The following CCDC7 variants were observed in gnomAD, a reference collection of about 807,000 sequenced individuals.
CCDC7 encodes the protein coiled-coil domain containing 7, also known as coiled-coil domain-containing protein 7.
In CCDC7, 183 loss-of-function variants were observed where a neutral mutation model predicts 196.9. The ratio of observed to expected loss-of-function variants is 0.93; its 90% CI spans 0.82 to 1.05. The LOEUF is 1.05. CCDC7 is among the 50% of genes least tolerant of loss of function. The pLI is 0.00. For synonymous variants in CCDC7, 525 were observed against 484.6 expected (o/e 1.08, Z -1.10); for missense variants, 1,540 against 1,482.2 (o/e 1.04, Z -0.64).
At chr10:32,574,658 C>A in intron 16 of CCDC7, 1 of 370,246 alleles carries the variant, frequency 2.7e-6, no homozygotes, top group Non-Finnish European at 4.4e-6. Flanking sequence ...ACATCATGTG[C>A]GTTGTTAGCT....
chr10:32,878,667 T>C (rs2094680627), downstream of CCDC7, among the ~76,000 whole-genome samples: 1 of 152,136 alleles, frequency 6.6e-6, no homozygotes, highest in South Asian at 2.1e-4. Context: ...TAAGAATGAA[T>C]ACTCAGTGAA....
chr10:32,645,461 A>G (rs934503582), intron 20 of CCDC7, among the ~76,000 whole-genome samples: 1 of 145,790 alleles, frequency 6.9e-6, no homozygotes, highest in African/African-American at 2.5e-5. Flanking sequence ...AATTTTCATC[A>G]GTGATACTGA....
At chr10:32,737,075 CT>C (rs2084985618) in intron 28 of CCDC7, among the ~76,000 whole-genome samples, 1 of 152,038 alleles carries the variant, frequency 6.6e-6, no homozygotes, top group African/African-American at 2.4e-5. Context: ...CATAAATGGG[CT>C]TTAGATTTTG....
At chr10:32,676,662 A>C (rs2075033307) in intron 21 of CCDC7, among the ~76,000 whole-genome samples, 4 of 152,112 alleles carry the variant, frequency 2.6e-5, no homozygotes, top group Admixed American at 2.6e-4. Context: ...AATCAAAACC[A>C]CAATGAGATA....
chr10:32,604,975 T>C lies in CCDC7; in HGVS notation c.1801+20671T>C, dbSNP rs1194466025. 2.6e-5 allele frequency among the ~76,000 whole-genome samples: 4 copies of C among 152,168 alleles called. No homozygotes were observed. In the South Asian group the frequency reaches 8.3e-4, roughly 32 times the overall value. The stretch of plus-strand genomic sequence containing the variant: ...TTTAGATATTTGTCCCACCCAAATG[T>C]CATGTTAAACTGTAATCCCCAGTTT... On this transcript the variant is annotated intron_variant, in intron 18 of 41. Transcript: ENST00000639629.
At chr10:32,510,608 CTTTTT>C (rs1230081801) in intron 9 of CCDC7, among the ~76,000 whole-genome samples, 1 of 152,068 alleles carries the variant, frequency 6.6e-6, no homozygotes, top group Non-Finnish European at 1.5e-5. Flanking sequence ...AAATGTATAG[CTTTTT>C]GTTTTGTTTT....
chr10:32,751,832 A>G (rs1321154212), intron 28 of CCDC7, among the ~76,000 whole-genome samples: 1 of 152,164 alleles, frequency 6.6e-6, no homozygotes. Context: ...GAGATGATGT[A>G]TAGGATACTA....
At chr10:32,679,905 G>C (rs2075609853) in intron 21 of CCDC7, among the ~76,000 whole-genome samples, 1 of 152,290 alleles carries the variant, frequency 6.6e-6, no homozygotes, top group East Asian at 1.9e-4. Flanking sequence ...TATGTAGATA[G>C]ATACTGAATG....
intron 28 of CCDC7, among the ~76,000 whole-genome samples, chr10:32,759,582 C>T (rs1438342035): frequency 6.6e-6 from 1 of 152,110 alleles, no homozygotes; most frequent in Non-Finnish European, 1.5e-5. Flanking sequence ...ACACCTTATA[C>T]AAAAATTAAT....
At chr10:32,723,089 A>G (rs1376872448) in intron 25 of CCDC7, among the ~76,000 whole-genome samples, 1 of 152,036 alleles carries the variant, frequency 6.6e-6, no homozygotes, top group East Asian at 1.9e-4. Flanking sequence ...ACCCTAGCAG[A>G]CCACCCTGTA....
At chr10:32,450,816 A>G (rs959341665), upstream of CCDC7, among the ~76,000 whole-genome samples, 4 of 151,854 alleles carry the variant, frequency 2.6e-5, no homozygotes, top group Non-Finnish European at 5.9e-5. Flanking sequence ...AGAAATTGTA[A>G]TTTTTCTTTT....
At chr10:32,639,178 A>C (rs2066241467) in intron 20 of CCDC7, among the ~76,000 whole-genome samples, 1 of 152,130 alleles carries the variant, frequency 6.6e-6, no homozygotes, top group Non-Finnish European at 1.5e-5. Context: ...CTTTTCAAAA[A>C]ACCACCTCTT....
intron 29 of CCDC7, among the ~76,000 whole-genome samples, chr10:32,802,715 A>T (rs902480589): frequency 6.6e-6 from 1 of 152,230 alleles, no homozygotes; most frequent in Non-Finnish European, 1.5e-5. Flanking sequence ...CTGACAGTGC[A>T]GCAGAAGGCC....
intron 21 of CCDC7, chr10:32,675,856 A>G (rs2074868547): frequency 1.3e-5 from 2 of 152,080 alleles, no homozygotes. Flanking sequence ...GCTACCAATG[A>G]CTTTCTTCAC....
chr10:32,814,755 G>C (rs1367336723), intron 31 of CCDC7, among the ~76,000 whole-genome samples: 2 of 152,164 alleles, frequency 1.3e-5, no homozygotes, highest in Non-Finnish European at 2.9e-5. Flanking sequence ...TAACATCTCA[G>C]CTGCAATAAA....
chr10:32,607,389 G>A (rs1391105606), intron 18 of CCDC7, among the ~76,000 whole-genome samples: 2 of 152,170 alleles, frequency 1.3e-5, no homozygotes, highest in African/African-American at 4.8e-5. Flanking sequence ...GTGAAAGTGG[G>A]CATCGTTGTC....
chr10:32,547,977 T>G (rs569433221), intron 13 of CCDC7, among the ~76,000 whole-genome samples: 1 of 152,290 alleles, frequency 6.6e-6, no homozygotes, highest in South Asian at 2.1e-4. Context: ...CAAAGTCTAT[T>G]GTATCATTCT....
At chr10:32,663,794 A>G (rs1462948155) in intron 20 of CCDC7, among the ~76,000 whole-genome samples, 2 of 151,432 alleles carry the variant, frequency 1.3e-5, no homozygotes, top group Non-Finnish European at 3.0e-5. Context: ...ATTAATCTAA[A>G]TTATAAATAA....
chr10:32,648,530 T>C (rs548253801), intron 20 of CCDC7, among the ~76,000 whole-genome samples: 3 of 152,310 alleles, frequency 2.0e-5, no homozygotes, highest in East Asian at 3.9e-4. Flanking sequence ...CCCAGTAATA[T>C]ATTTGGGATT....
Sources: allele counts gnomAD v4.1 joint callset (sites outside exome capture counted in the v4.1 genomes callset), GRCh38; gene constraint gnomAD v4.1.1; transcripts MANE v1.5; gene names NCBI Gene and HGNC (gene_info 2026-07-23, HGNC 2026-07-21).